The following NAV3 variants were observed in gnomAD, a reference collection of about 807,000 sequenced individuals.
The protein encoded by NAV3 is neuron navigator 3.
A neutral mutation model predicts 244.7 loss-of-function variants in NAV3; 87 were observed. The ratio of observed to expected loss-of-function variants is 0.36; its 90% CI spans 0.30 to 0.42. NAV3 has a LOEUF of 0.42. Ranked by LOEUF, NAV3 falls within the 20% of genes least tolerant of loss-of-function variation. The pLI is 1.00. For missense variants in NAV3, 2,663 were observed against 2,893.3 expected (o/e 0.92, Z 1.83); for synonymous variants, 1,126 against 1,042.2 (o/e 1.08, Z -1.55).
At chr12:77,638,251 A>T (rs1444032433) in intron 2 of NAV3, among the ~76,000 whole-genome samples, 1 of 145,444 alleles carries the variant, frequency 6.9e-6, no homozygotes, top group Non-Finnish European at 1.5e-5. Context: ...TCTGGGAATT[A>T]GGAGGGAATG....
chr12:78,115,018 T>A (rs1298492412), intron 12 of NAV3, among the ~76,000 whole-genome samples: 1 of 152,210 alleles, frequency 6.6e-6, no homozygotes, highest in African/African-American at 2.4e-5. Context: ...ACTTCATATG[T>A]GATCTAAATA....
intron 1 of NAV3, among the ~76,000 whole-genome samples, chr12:77,895,211 A>G (rs1884436553): frequency 6.6e-6 from 1 of 152,192 alleles, no homozygotes. Context: ...GATATTCAAT[A>G]TGAATAGAGT....
chr12:78,204,355 TAATAA>T (rs1437840455), intron 38 of NAV3, among the ~76,000 whole-genome samples: 33 of 152,182 alleles, frequency 2.2e-4, no homozygotes, highest in Admixed American at 2.2e-3. Context: ...TAAGGTATAA[TAATAA>T]AATAAGATAA....
chr12:78,153,747 C>A (rs909913124), intron 22 of NAV3, among the ~76,000 whole-genome samples: 1 of 151,934 alleles, frequency 6.6e-6, no homozygotes, highest in Non-Finnish European at 1.5e-5. Flanking sequence ...AGTCTTTTAA[C>A]CAAAAATCTC....
intron 1 of NAV3, among the ~76,000 whole-genome samples, chr12:77,847,672 T>A (rs112378891): frequency 1.3e-5 from 2 of 152,314 alleles, no homozygotes; most frequent in African/African-American, 4.8e-5. Flanking sequence ...ACACCACTAT[T>A]TTTCTTTCTC....
At chr12:78,112,867 G>A (rs755497734) in intron 12 of NAV3, among the ~76,000 whole-genome samples, 5 of 152,130 alleles carry the variant, frequency 3.3e-5, no homozygotes, top group Non-Finnish European at 7.4e-5. Flanking sequence ...TCTGAGACAA[G>A]GCAAGTCCCT....
chr12:77,601,520 A>G (rs1448802097), intron 2 of NAV3, among the ~76,000 whole-genome samples: 1 of 151,976 alleles, frequency 6.6e-6, no homozygotes, highest in Non-Finnish European at 1.5e-5. Context: ...GCATCATATC[A>G]TAAAGGCTGA....
At chr12:77,951,643 A>G (rs1890892875) in intron 3 of NAV3, among the ~76,000 whole-genome samples, 2 of 152,144 alleles carry the variant, frequency 1.3e-5, no homozygotes, top group Non-Finnish European at 2.9e-5. Flanking sequence ...GGCACTATTC[A>G]CAATAGCAAA....
chr12:77,600,759 G>A (rs761350839), intron 2 of NAV3, among the ~76,000 whole-genome samples: 6 of 151,908 alleles, frequency 3.9e-5, no homozygotes, highest in Non-Finnish European at 7.4e-5. Flanking sequence ...AAATGATAAT[G>A]GATGACCTTT....
chr12:78,002,172 A>T (rs1329711509), intron 7 of NAV3, among the ~76,000 whole-genome samples: 1 of 152,160 alleles, frequency 6.6e-6, no homozygotes, highest in Admixed American at 6.5e-5. Flanking sequence ...TATTATTAGG[A>T]ATTTATCCAT....
chr12:77,630,447 C>A (rs1264744674), intron 2 of NAV3, among the ~76,000 whole-genome samples: 1 of 152,186 alleles, frequency 6.6e-6, no homozygotes, highest in African/African-American at 2.4e-5. Flanking sequence ...TGGGTTTAAT[C>A]TGCTTATCTT....
intron 12 of NAV3, among the ~76,000 whole-genome samples, chr12:78,104,878 G>A (rs901748471): frequency 7.9e-5 from 12 of 152,002 alleles, no homozygotes; most frequent in Admixed American, 2.6e-4. Context: ...AACTTAATGC[G>A]CTTGAAATTA....
intron 1 of NAV3, among the ~76,000 whole-genome samples, chr12:77,879,012 C>G (rs1361963684): frequency 6.6e-6 from 1 of 152,098 alleles, no homozygotes; most frequent in Non-Finnish European, 1.5e-5. Context: ...CACTTTGTCC[C>G]AGATGGTCAT....
chr12:78,074,528 C>A (rs1326398847), intron 12 of NAV3, among the ~76,000 whole-genome samples: 2 of 151,920 alleles, frequency 1.3e-5, no homozygotes, highest in Non-Finnish European at 2.9e-5. Context: ...GATGGTGAAA[C>A]CCCCATCTCT....
chr12:77,834,508 G>A (rs565793863), intron 1 of NAV3, among the ~76,000 whole-genome samples: 11 of 152,154 alleles, frequency 7.2e-5, no homozygotes, highest in Non-Finnish European at 1.6e-4. Flanking sequence ...AATCTTCTGT[G>A]TATCCACAAG....
In NAV3 at chr12:78,098,204, T is replaced by C. The variant is rs577678963; in HGVS notation, c.2637-18568T>C. Among the ~76,000 whole-genome samples the C allele has an allele frequency of 5.3e-5, 8 of 152,196 alleles. No individual in the cohort carries two copies. The South Asian group carries it at 1.4e-3, about 28-fold the overall frequency. On this transcript the variant is annotated intron_variant, in intron 12 of 39. Coordinates refer to ENST00000397909, the MANE Select transcript of NAV3 (RefSeq NM_001024383.2). ...AAAACTATTCATGGTAATGATTCTT[T>C]AGAAACACAGCTAAGTTTTGTAATT...
Position 78,171,943 on chromosome 12 carries a change from T to C in NAV3, c.4981+3077T>C, listed in dbSNP as rs552781756. Among the ~76,000 whole-genome samples, 7 of 151,740 alleles carry C rather than the reference T, an allele frequency of 4.6e-5. 1 individual carries two copies. The highest frequency in any genetic ancestry group is 1.7e-4 in the African/African-American group (7 of 41,522). On this transcript the variant is annotated intron_variant, in intron 24 of 39. Coordinates refer to ENST00000397909, the MANE Select transcript of NAV3 (RefSeq NM_001024383.2). ...AATGCATCACATTCATTAACAAAGT[T>C]TGATAAATGACTATAGTCTATAATA...
chr12:78,004,812 G>A (rs1361115242), intron 7 of NAV3, among the ~76,000 whole-genome samples: 1 of 152,154 alleles, frequency 6.6e-6, no homozygotes, highest in East Asian at 1.9e-4. Context: ...ATTTAGAGCG[G>A]AGCTTCAGGA....
rs560258438 is a variant in NAV3, at chr12:78,026,202, T to C, written c.2023+4340T>C. Among the ~76,000 whole-genome samples, 39 of 152,348 alleles carry C rather than the reference T, an allele frequency of 2.6e-4. 1 individual carries two copies. In the South Asian group the frequency reaches 7.2e-3, roughly 28 times the overall value. ...TAAATTTCATCTATATTCTGATGGC[T>C]TACAAATGTCTCTCTCTGCACTAGT... is the stretch of plus-strand genomic sequence containing the variant. On this transcript the variant is annotated intron_variant, in intron 9 of 39. Coordinates refer to ENST00000397909, the MANE Select transcript of NAV3 (RefSeq NM_001024383.2).
Sources: allele counts gnomAD v4.1 joint callset (sites outside exome capture counted in the v4.1 genomes callset), GRCh38; gene constraint gnomAD v4.1.1; transcripts MANE v1.5; gene names NCBI Gene and HGNC (gene_info 2026-07-23, HGNC 2026-07-21).